The following BRF1 variants were observed in gnomAD, a reference collection of about 807,000 sequenced individuals.
The protein encoded by BRF1 is transcription factor IIIB 90 kDa subunit.
A neutral mutation model predicts 81.7 loss-of-function variants in BRF1; 59 were observed. The observed-to-expected ratio is 0.72, with a 90% CI of 0.59 to 0.90. The LOEUF (loss-of-function observed/expected upper bound fraction) is 0.90, where lower values mean the gene tolerates loss of function less well. Among genes scored for constraint, BRF1 ranks in the 40% least tolerant of loss-of-function variants. The probability of loss-of-function intolerance (pLI) is 0.00; values close to 1 mark genes in which losing one functional copy is unlikely to be tolerated. For missense variants in BRF1, 1,050 were observed against 936.3 expected (o/e 1.12, Z -1.58); for synonymous variants, 491 against 395.6 (o/e 1.24, Z -2.86).
At chr14:105,291,694 C>CT (rs962042143) in intron 1 of BRF1, among the ~76,000 whole-genome samples, 10 of 151,988 alleles carry the variant, frequency 6.6e-5, no homozygotes, top group Non-Finnish European at 1.3e-4. Flanking sequence ...GTGAAACTTC[C>CT]TTTTTTTAAG....
chr14:105,225,849 T>C (rs963053732), intron 10 of BRF1, among the ~76,000 whole-genome samples: 5 of 152,218 alleles, frequency 3.3e-5, no homozygotes, highest in African/African-American at 9.6e-5. Flanking sequence ...GGTTTCACCA[T>C]GTTGGCCAGG....
intron 1 of BRF1, among the ~76,000 whole-genome samples, chr14:105,300,111 T>C (rs1418734839): frequency 6.6e-6 from 1 of 152,176 alleles, no homozygotes; most frequent in Non-Finnish European, 1.5e-5. Context: ...TACCAGACAT[T>C]GCTGAAAACA....
Position 105,222,060 on chromosome 14 carries a change from C to G in BRF1, c.1049-146G>C, listed in dbSNP as rs145847312. ...TGGCGGTCAGGTGCCAAAGAACGAG[C>G]CTCAGCCCACACCTCGCACTGCACG... On this transcript the variant is annotated intron_variant, in intron 10 of 17. Transcript: ENST00000547530. 9.4e-4 allele frequency: 957 copies of G among 1,018,634 alleles called. 4 individuals carry two copies. In the African/African-American group the frequency reaches 0.014, roughly 15 times the overall value. The allele number at this position is 1,018,634 out of a possible 1,614,324, so 63.1% of individuals were successfully genotyped here. A position where few individuals can be genotyped will look rare whatever the true frequency, so the allele number is the denominator to read the frequency against.
chr14:105,245,914 G>C (rs79647077), intron 5 of BRF1, among the ~76,000 whole-genome samples: 1 of 152,290 alleles, frequency 6.6e-6, no homozygotes, highest in Non-Finnish European at 1.5e-5. Context: ...AGTAAAAATA[G>C]ACAAATGGGA....
chr14:105,215,373 C>A (rs1041928274), intron 15 of BRF1, among the ~76,000 whole-genome samples: 1 of 152,126 alleles, frequency 6.6e-6, no homozygotes, highest in African/African-American at 2.4e-5. Flanking sequence ...GACACATAGG[C>A]GTGCACACCT....
chr14:105,293,320 C>T (rs150105778), intron 1 of BRF1, among the ~76,000 whole-genome samples: 2 of 152,312 alleles, frequency 1.3e-5, no homozygotes, highest in Non-Finnish European at 2.9e-5. Flanking sequence ...CCGGCTGCAT[C>T]GTGACCCCAA....
chr14:105,228,170 G>C (rs1371145279), intron 7 of BRF1: 1 of 152,276 alleles, frequency 6.6e-6, no homozygotes, highest in African/African-American at 2.4e-5. Context: ...ACGGGCCACA[G>C]CAAAAAGGAG....
rs144972666 is a variant in BRF1 at position 105,247,268 on chromosome 14, G to A, written c.544+5239C>T. On this transcript the variant is annotated intron_variant, in intron 5 of 17. Transcript: ENST00000547530. ...CTACAGCTTTCCAAACGGCTTGGCC[G>A]TGCGGAGTTACGCACCCACCTGCAG... 5,358 of 985,414 alleles carry A rather than the reference G, an allele frequency of 5.4e-3. 21 individuals carry two copies. The highest frequency in any genetic ancestry group is 6.1e-3 in the Non-Finnish European group (5,045 of 829,934). 61.0% of individuals were successfully genotyped at this position (985,414 alleles called of 1,614,324 possible).
chr14:105,260,615 A>C (rs1319457049), intron 3 of BRF1, among the ~76,000 whole-genome samples: 1 of 152,112 alleles, frequency 6.6e-6, no homozygotes, highest in Non-Finnish European at 1.5e-5. Context: ...ACCTCAGGTG[A>C]TCTGCTCACC....
At chr14:105,241,178 G>C in intron 6 of BRF1, 87 bp downstream of exon 6, 1 of 1,555,732 alleles carries the variant, frequency 6.4e-7, no homozygotes, top group Non-Finnish European at 8.7e-7. Context: ...GCAAACATAC[G>C]GCCCAGCCCA....
At chr14:105,251,647 A>G (rs112843168) in intron 5 of BRF1, among the ~76,000 whole-genome samples, 2,739 of 152,254 alleles carry the variant, frequency 0.018, 36 homozygotes, top group Non-Finnish European at 0.028. Context: ...CGTGTTGCTC[A>G]GTCCTGTTGG....
rs2056555417 is a variant in BRF1, at chr14:105,269,197, C to T, written c.439+3524G>A. Among the ~76,000 whole-genome samples, 1 of 152,134 alleles carries T rather than the reference C, an allele frequency of 6.6e-6. No homozygotes were observed. The highest frequency in any genetic ancestry group is 2.1e-4 in the South Asian group (1 of 4,832). On this transcript the variant is annotated intron_variant, in intron 3 of 17. Transcript: ENST00000547530. The surrounding 1 kb of genome is among the most constrained non-coding windows in gnomAD (Gnocchi z 5.0). ...GAGGGCAGAGCGGGACATGCTACAC[C>T]TGGCCTGACCCACTTCCCTCTAAAG...
intron 2 of BRF1, among the ~76,000 whole-genome samples, chr14:105,283,343 C>G (rs587662887): frequency 5.3e-5 from 8 of 152,266 alleles, no homozygotes; most frequent in Non-Finnish European, 1.0e-4. Flanking sequence ...CAGGGCATGG[C>G]CCCTGATGCT....
At chr14:105,241,738 G>A in intron 5 of BRF1, 1 of 399,538 alleles carries the variant, frequency 2.5e-6, no homozygotes, top group Non-Finnish European at 4.7e-6. Flanking sequence ...AGACCATGCA[G>A]ACAGCACCAC....
At position 105,217,561 on chromosome 14, in the gene BRF1, C is replaced by T; in HGVS notation, c.1755G>A (p.Val585=). The T allele has an allele frequency of 6.2e-7, 1 of 1,613,446 alleles. No homozygotes were observed. Among genetic ancestry groups the T allele is most frequent in the Non-Finnish European group, 8.5e-7 (1 of 1,179,924 alleles). The change falls in exon 15 of 18, where the codon GTG becomes GTA. Residue 585 remains valine, a synonymous_variant. Transcript: ENST00000547530. Reference sequence around the variant, plus strand: ...GATGGTACCTTTTCCCCACACTGGTCACAGGGTCAGCCCCACTTCTGCTGG... The same window carrying T: ...GATGGTACCTTTTCCCCACACTGGTTACAGGGTCAGCCCCACTTCTGCTGG... ...TPASRSGADP[V]TSVGKRLRPL... is the part of the protein sequence containing the mutation.
At chr14:105,221,563 A>G in intron 11 of BRF1, 85 bp downstream of exon 11, 1 of 1,514,574 alleles carries the variant, frequency 6.6e-7, no homozygotes, top group Non-Finnish European at 8.8e-7. Context: ...AGAGGATGGC[A>G]GCATCCGGCT....
intron 5 of BRF1, chr14:105,242,435 C>A (rs1015748275): frequency 1.3e-5 from 2 of 151,864 alleles, no homozygotes; most frequent in East Asian, 3.8e-4. Context: ...ATAAAGAGAA[C>A]GATAAAAAAT....
At chr14:105,247,283 C>T (rs2055187798) in intron 5 of BRF1, 1 of 985,334 alleles carries the variant, frequency 1.0e-6, no homozygotes, top group Non-Finnish European at 1.2e-6. Flanking sequence ...GAGTTACGCA[C>T]CCACCTGCAG....
rs762982511 is a variant in BRF1, at chr14:105,250,573, G to A, written c.544+1934C>T. On this transcript the variant is annotated intron_variant, in intron 5 of 17. Coordinates refer to ENST00000547530, the MANE Select transcript of BRF1 (RefSeq NM_001519.4). The stretch of plus-strand genomic sequence containing the variant: ...GGCAGGAGGGGATGACGGAAGTGCA[G>A]TGTGGAAAGGTGGCCTTCCAGTTCC... The A allele has an allele frequency of 1.9e-6, 3 of 1,614,164 alleles. No individual in the cohort carries two copies. The East Asian group carries it at 6.7e-5, about 36-fold the overall frequency.
Sources: allele counts gnomAD v4.1 joint callset (sites outside exome capture counted in the v4.1 genomes callset), GRCh38; gene constraint gnomAD v4.1.1; non-coding constraint Gnocchi (gnomAD v3.1); transcripts MANE v1.5; gene names NCBI Gene and HGNC (gene_info 2026-07-23, HGNC 2026-07-21).